The following DOCK11 variants were observed in gnomAD, a reference collection of about 807,000 sequenced individuals.
DOCK11 encodes dedicator of cytokinesis 11.
DOCK11 carries 70 observed loss-of-function variants against 169.1 expected under a neutral mutation model. The observed-to-expected ratio is 0.41, with a 90% CI of 0.34 to 0.51. DOCK11 has a LOEUF of 0.51. Ranked by LOEUF, DOCK11 falls within the 20% of genes least tolerant of loss-of-function variation. The pLI is 0.10. For missense variants in DOCK11, 1,166 were observed against 1,538.8 expected, an observed-to-expected ratio of 0.76 and a Z score of 4.05; for synonymous variants, 529 against 541.3, an observed-to-expected ratio of 0.98 and a Z score of 0.32.
rs180860788 is a variant in DOCK11 at position 118,597,184 on chromosome X, C to T, written c.2264-247C>T. On this transcript the variant is annotated intron_variant, in intron 20 of 52. Transcript: ENST00000276202. Reference sequence around the variant, plus strand: ...TCAATAATTCTTGTAGATGGAAAGGCCATGTTGCTGTTCCCATTTTTATGG... The same window carrying T: ...TCAATAATTCTTGTAGATGGAAAGGTCATGTTGCTGTTCCCATTTTTATGG... Among the ~76,000 whole-genome samples the T allele has an allele frequency of 4.0e-4, 45 of 111,812 alleles. No homozygotes were observed. The East Asian group carries it at 7.8e-3, about 19-fold the overall frequency.
At chrX:118,645,617 G>A (rs1437152589) in intron 40 of DOCK11, among the ~76,000 whole-genome samples, 2 of 109,079 alleles carry the variant, frequency 1.8e-5, no homozygotes, top group African/African-American at 3.3e-5. Flanking sequence ...AGCCAAGATC[G>A]CGCCACTGCA....
chrX:118,603,132 AGTC>A (rs1174711786), intron 23 of DOCK11, among the ~76,000 whole-genome samples: 1 of 112,244 alleles, frequency 8.9e-6, no homozygotes, highest in Non-Finnish European at 1.9e-5. Flanking sequence ...TAGGGGGTAA[AGTC>A]GTGTAAAAGG....
chrX:118,685,782 G>A lies in DOCK11; in HGVS notation c.6197G>A (p.Gly2066Asp). 8.3e-7 allele frequency: 1 copy of A among 1,211,491 alleles called. No homozygotes were observed. ...GGTACATCAAGTGACCGAGGTTATG[G>A]TTCCCCAAGATACGCTGAAGTGTGA... Reference protein sequence around the residue: ...ISGTSSDRGYGSPRYAEV With the variant: ...ISGTSSDRGYDSPRYAEV Residue 2066 changes from glycine to aspartate, a missense_variant, in exon 53 of 53, where the codon GGT becomes GAT. By Grantham distance (94) the Gly-to-Asp change is moderately conservative. Transcript: ENST00000276202.
chrX:118,654,506 G>C, intron 42 of DOCK11, 96 bp from the exon 43 acceptor site: 1 of 787,742 alleles, frequency 1.3e-6, no homozygotes, highest in Non-Finnish European at 1.9e-6. Context: ...ACTGTAACAG[G>C]AAGTGAAAAT....
chrX:118,514,505 A>G (rs2057670345), intron 1 of DOCK11, among the ~76,000 whole-genome samples: 1 of 110,551 alleles, frequency 9.0e-6, no homozygotes, highest in Non-Finnish European at 1.9e-5. Flanking sequence ...AACCCATAAA[A>G]ATGCCAACTC....
intron 1 of DOCK11, among the ~76,000 whole-genome samples, chrX:118,503,472 G>C (rs756386014): frequency 8.9e-6 from 1 of 112,147 alleles, no homozygotes; most frequent in Non-Finnish European, 1.9e-5. Flanking sequence ...GAAGGAGAAG[G>C]GGGAGGAAGA....
chrX:118,634,884 G>A (rs771617260), intron 35 of DOCK11, among the ~76,000 whole-genome samples: 3 of 110,452 alleles, frequency 2.7e-5, no homozygotes, highest in Non-Finnish European at 5.7e-5. Flanking sequence ...GCGCCACCAC[G>A]CCCAACTAAT....
In DOCK11 at chrX:118,581,805, TAAAAAAAAAA is replaced by T. The variant is rs35095116; in HGVS notation, c.1595+1652_1595+1661del. 0.011 allele frequency among the ~76,000 whole-genome samples: 136 copies of T among 12,730 alleles called. 4 individuals are homozygous for T. The South Asian group carries it at 0.12, about 11-fold the overall frequency. The allele number at this position is 12,730 out of a possible 115,157, so 11.1% of individuals were successfully genotyped here. A position where few individuals can be genotyped will look rare whatever the true frequency, so the allele number is the denominator to read the frequency against. On this transcript the variant is annotated intron_variant, in intron 14 of 52. Coordinates refer to ENST00000276202, the MANE Select transcript of DOCK11 (RefSeq NM_144658.4). ...GGCGACAGAGCGAGACTCCGTCTCC[TAAAAAAAAAA>T]AAAAAAAAAAAAAAAAAAAAAAAAA... is the stretch of plus-strand genomic sequence containing the variant.
chrX:118,622,375 T>A, intron 31 of DOCK11, among the ~76,000 whole-genome samples: 1 of 112,567 alleles, frequency 8.9e-6, no homozygotes, highest in East Asian at 2.8e-4. Flanking sequence ...TGCATAGTAT[T>A]CTATCATATG....
chrX:118,636,828 T>TAC (rs765702693), intron 36 of DOCK11, among the ~76,000 whole-genome samples: 9,300 of 100,394 alleles, frequency 0.093, 474 homozygotes, highest in African/African-American at 0.19. Context: ...TATTTGTGTG[T>TAC]ACACACACAC....
intron 1 of DOCK11, among the ~76,000 whole-genome samples, chrX:118,496,493 G>A (rs1343041773): frequency 8.9e-6 from 1 of 112,968 alleles, no homozygotes; most frequent in Non-Finnish European, 1.9e-5. Context: ...CTAGGCGGAA[G>A]GATGCGATGA....
chrX:118,554,871 AC>A (rs1232251696), intron 6 of DOCK11, among the ~76,000 whole-genome samples: 1 of 112,059 alleles, frequency 8.9e-6, no homozygotes, highest in Non-Finnish European at 1.9e-5. Flanking sequence ...AACAGTAATG[AC>A]CACATAAATT....
At chrX:118,646,850 G>T (rs2015683528) in intron 40 of DOCK11, among the ~76,000 whole-genome samples, 1 of 111,424 alleles carries the variant, frequency 9.0e-6, no homozygotes, top group South Asian at 3.7e-4. Context: ...CTATATGTGG[G>T]TCTAAATTCA....
At chrX:118,671,223 C>A (rs1003107895) in intron 46 of DOCK11, 78 bp downstream of exon 46, 156 of 919,382 alleles carry the variant, frequency 1.7e-4, no homozygotes, top group Non-Finnish European at 2.2e-4. Flanking sequence ...ATAGTTCTGT[C>A]ACTATTATTC....
intron 1 of DOCK11, among the ~76,000 whole-genome samples, chrX:118,529,467 G>A (rs890927813): frequency 3.6e-5 from 4 of 112,347 alleles, no homozygotes; most frequent in Non-Finnish European, 1.9e-5. Context: ...GTGTTTTAGA[G>A]ATTGTGGTCA....
chrX:118,676,698 T>C lies in DOCK11; in HGVS notation c.5421T>C (p.Phe1807=). 8.3e-7 allele frequency: 1 copy of C among 1,205,787 alleles called. No homozygotes were observed. Among genetic ancestry groups the C allele is most frequent in the Non-Finnish European group, 1.1e-6 (1 of 891,680 alleles). ...LRLVKLYGEK[F]GTENVKIIQD... Reference sequence around the variant, plus strand: ...TTGTTAAACTTTATGGTGAAAAGTTTGGTACGGAGAATGTCAAAATAATTC... The same window carrying C: ...TTGTTAAACTTTATGGTGAAAAGTTCGGTACGGAGAATGTCAAAATAATTC... Residue 1807 remains phenylalanine, a synonymous_variant, in exon 48 of 53, where the codon TTT becomes TTC. Transcript: ENST00000276202.
chrX:118,681,567 A>G (rs1402012791), intron 50 of DOCK11, 127 bp from the exon 51 acceptor site: 5 of 465,097 alleles, frequency 1.1e-5, no homozygotes, highest in Non-Finnish European at 1.7e-5. Context: ...ACTTGAAATA[A>G]GCATATATTT....
At chrX:118,498,853 G>A (rs1174620585) in intron 1 of DOCK11, among the ~76,000 whole-genome samples, 1 of 110,912 alleles carries the variant, frequency 9.0e-6, no homozygotes, top group Non-Finnish European at 1.9e-5. Flanking sequence ...AAATTCAGAT[G>A]GCTGGGCCTG....
Position 118,593,342 on chromosome X carries a change from G to A in DOCK11, c.2263+5G>A. 2.5e-6 allele frequency: 3 copies of A among 1,195,689 alleles called. No homozygotes were observed. Among genetic ancestry groups the A allele is most frequent in the East Asian group, 3.0e-5 (1 of 33,459 alleles). Reference sequence around the variant, plus strand: ...AAGACACAGTTGAAACTCCAGGTACGTGTTCTCTTTAAATGTCTCTCTCTA... The same window carrying A: ...AAGACACAGTTGAAACTCCAGGTACATGTTCTCTTTAAATGTCTCTCTCTA... On this transcript the variant is annotated splice_donor_5th_base_variant and intron_variant, in intron 20 of 52. Transcript: ENST00000276202.
Sources: gnomAD v4.1 joint callset for allele counts (sites outside exome capture counted in the v4.1 genomes callset) on GRCh38, gnomAD v4.1.1 for gene constraint, MANE v1.5 for transcripts, NCBI Gene and HGNC (gene_info 2026-07-23, HGNC 2026-07-21) for gene names.